The following PLD5 variants were observed in gnomAD, a reference collection of about 807,000 sequenced individuals.
PLD5 encodes the protein phospholipase D family member 5.
Under a neutral mutation model 61.1 loss-of-function variants are expected in PLD5, and 36 were observed. The observed-to-expected ratio is 0.59, with a 90% CI of 0.45 to 0.78. The LOEUF (loss-of-function observed/expected upper bound fraction) is 0.78, where lower values mean the gene tolerates loss of function less well. Ranked by LOEUF, PLD5 falls within the 30% of genes least tolerant of loss-of-function variation. The probability of loss-of-function intolerance (pLI) is 0.00; values close to 1 mark genes in which losing one functional copy is unlikely to be tolerated. For synonymous variants in PLD5, 243 were observed against 242.8 expected (o/e 1.00, Z -0.01); for missense variants, 515 against 644.4 (o/e 0.80, Z 2.17).
chr1:242,116,442 G>A (rs909876801), intron 6 of PLD5, among the ~76,000 whole-genome samples: 6 of 152,174 alleles, frequency 3.9e-5, no homozygotes, highest in Non-Finnish European at 8.8e-5. Flanking sequence ...AGACTCAGGG[G>A]GTACAGGTGC....
intron 4 of PLD5, among the ~76,000 whole-genome samples, chr1:242,260,363 A>C (rs1192415221): frequency 6.8e-6 from 1 of 148,144 alleles, no homozygotes; most frequent in African/African-American, 2.5e-5. Flanking sequence ...AAAAAAAAAG[A>C]ATTGTCACGA....
rs56654625 is a variant in PLD5 at position 242,157,734 on chromosome 1, T to C, written c.736-33069A>G. On this transcript the variant is annotated intron_variant, in intron 5 of 9. Coordinates refer to ENST00000536534, the MANE Select transcript of PLD5 (RefSeq NM_001372062.1). ...TTCGTCTCTAAAGGCCACCTGCCAG[T>C]TGGAGCTCTCCTGGATGAGGTGTCT... Among the ~76,000 whole-genome samples the C allele has an allele frequency of 9.1e-3, 1,386 of 152,246 alleles. 22 individuals are homozygous for C. Among genetic ancestry groups the C allele is most frequent in the African/African-American group, 0.031 (1,298 of 41,538 alleles).
At position 242,335,084 on chromosome 1, in the gene PLD5, C is replaced by T. The variant is rs573294524; in HGVS notation, c.326+13022G>A. On this transcript the variant is annotated intron_variant, in intron 2 of 9. Coordinates refer to ENST00000536534, the MANE Select transcript of PLD5 (RefSeq NM_001372062.1). ...TATTTTATTTCTGTGAGACCCCATCCACATGCATATGAAATAAACCTTTTT... is the reference window on the plus strand; with the variant it reads ...TATTTTATTTCTGTGAGACCCCATCTACATGCATATGAAATAAACCTTTTT... Among the ~76,000 whole-genome samples, 248 of 152,020 alleles carry T rather than the reference C, an allele frequency of 1.6e-3. 2 individuals are homozygous for T. Among genetic ancestry groups the T allele is most frequent in the African/African-American group, 5.7e-3 (235 of 41,486 alleles).
intron 5 of PLD5, among the ~76,000 whole-genome samples, chr1:242,180,152 G>A (rs1219122895): frequency 6.6e-6 from 1 of 152,104 alleles, no homozygotes; most frequent in Non-Finnish European, 1.5e-5. Context: ...CTGTGTCACC[G>A]ACCAGATGTA....
At chr1:242,440,920 T>A (rs1666244915) in intron 1 of PLD5, among the ~76,000 whole-genome samples, 1 of 152,162 alleles carries the variant, frequency 6.6e-6, no homozygotes, top group East Asian at 1.9e-4. Flanking sequence ...GAGAACTGGA[T>A]TGGGTGATTG....
chr1:242,188,711 G>C (rs144882681), intron 5 of PLD5: 130 of 152,288 alleles, frequency 8.5e-4, no homozygotes, highest in Middle Eastern at 3.4e-3. Context: ...TTCTAGTAGG[G>C]GAGTGCAGCT....
chr1:242,114,079 GATTT>G lies in PLD5; in HGVS notation c.934-57_934-54del. 2.5e-6 allele frequency: 4 copies of G among 1,582,334 alleles called. No homozygotes were observed. The South Asian group carries it at 3.5e-5, about 14-fold the overall frequency. Reference sequence around the variant, plus strand: ...AGCGTACTAATTTTTGGCAGCTGGGGATTTATTTATTTCCTTTGTTTCCACGGAC... The same window carrying G: ...AGCGTACTAATTTTTGGCAGCTGGGGATTTATTTCCTTTGTTTCCACGGAC... On this transcript the variant is annotated intron_variant, in intron 6 of 9. Coordinates refer to ENST00000536534, the MANE Select transcript of PLD5 (RefSeq NM_001372062.1).
chr1:242,320,509 A>G (rs10926683), intron 2 of PLD5, among the ~76,000 whole-genome samples: 1 of 152,158 alleles, frequency 6.6e-6, no homozygotes, highest in Non-Finnish European at 1.5e-5. Context: ...AGAGCAAGCA[A>G]CTGAGAAGGC....
Position 242,393,251 on chromosome 1 carries a change from T to C in PLD5, c.190-45009A>G, listed in dbSNP as rs193012894. Among the ~76,000 whole-genome samples the C allele has an allele frequency of 6.9e-3, 450 of 65,268 alleles. 114 individuals carry two copies. The highest frequency in any genetic ancestry group is 0.026 in the Middle Eastern group (3 of 116). 42.8% of individuals were successfully genotyped at this position (65,268 alleles called of 152,430 possible). On this transcript the variant is annotated intron_variant, in intron 1 of 9. Transcript: ENST00000536534. ...GTATATATATGTGTATATATATGAG[T>C]ATATATATGTGTATATATATGAGTA...
rs1477295424 is a variant in PLD5, at chr1:242,515,197, T to TAC, written c.189+8890_189+8891insGT. ...CATGCTTCAGCTTTGCCTTTGTGTG[T>TAC]GCGTGTGTGTGTGTGTGTGTGTGAG... On this transcript the variant is annotated intron_variant, in intron 1 of 9. Coordinates refer to ENST00000536534, the MANE Select transcript of PLD5 (RefSeq NM_001372062.1). Among the ~76,000 whole-genome samples, 22 of 147,950 alleles carry TAC rather than the reference T, an allele frequency of 1.5e-4. 1 individual carries two copies. In the East Asian group the frequency reaches 5.1e-3, roughly 34 times the overall value.
intron 2 of PLD5, among the ~76,000 whole-genome samples, chr1:242,314,558 A>T (rs1267696590): frequency 1.3e-5 from 2 of 152,162 alleles, no homozygotes; most frequent in African/African-American, 4.8e-5. Context: ...TTGTGCCTCT[A>T]TGTGTTTCCA....
At chr1:242,406,241 G>T (rs1320875148) in intron 1 of PLD5, among the ~76,000 whole-genome samples, 1 of 152,136 alleles carries the variant, frequency 6.6e-6, no homozygotes, top group Non-Finnish European at 1.5e-5. Flanking sequence ...TCTACCCAGG[G>T]TTTGTCACAG....
chr1:242,220,078 G>C lies in PLD5; in HGVS notation c.645C>G (p.Asn215Lys). Residue 215 changes from asparagine (N) to lysine (K), a missense_variant, in exon 5 of 10, where the codon AAC (asparagine) becomes AAG (lysine). This residue lies in a region of PLD5 where 450 missense variants were observed against 598.1 expected (regional missense o/e 0.75). Transcript: ENST00000536534. ...EVTYMNMTAYNKGRLQSSFWI... is the reference protein window; with the variant it reads ...EVTYMNMTAYKKGRLQSSFWI... ...AGAAGGAGGACTGCAGCCGGCCCTTGTTGTAAGCGGTCATGTTCATGTACG... is the reference window on the plus strand; with the variant it reads ...AGAAGGAGGACTGCAGCCGGCCCTTCTTGTAAGCGGTCATGTTCATGTACG... 6.2e-7 allele frequency: 1 copy of C among 1,614,172 alleles called. No homozygotes were observed. Among genetic ancestry groups the C allele is most frequent in the Admixed American group, 1.7e-5 (1 of 60,028 alleles).
At chr1:242,095,682 T>C (rs1209034094) in intron 9 of PLD5, among the ~76,000 whole-genome samples, 1 of 152,196 alleles carries the variant, frequency 6.6e-6, no homozygotes, top group Non-Finnish European at 1.5e-5. Flanking sequence ...CACTGCTGAA[T>C]TGACACACAA....
Position 242,245,046 on chromosome 1 carries a change from C to T in PLD5, c.607+20291G>A, listed in dbSNP as rs79575478. Among the ~76,000 whole-genome samples, 414 of 152,174 alleles carry T rather than the reference C, an allele frequency of 2.7e-3. 1 individual carries two copies. Among genetic ancestry groups the T allele is most frequent in the African/African-American group, 9.3e-3 (386 of 41,436 alleles). On this transcript the variant is annotated intron_variant, in intron 4 of 9. Transcript: ENST00000536534. ...GTAAGTTTTGTCAATACTGATTATG[C>T]TGGGAGCCTCAGGCATGTGCCAAGT...
intron 3 of PLD5, among the ~76,000 whole-genome samples, chr1:242,270,020 A>T (rs1673963340): frequency 6.6e-6 from 1 of 152,020 alleles, no homozygotes; most frequent in African/African-American, 2.4e-5. Flanking sequence ...GGGAGACAGG[A>T]TGAAATGCCC....
At chr1:242,511,165 A>C (rs1461195070) in intron 1 of PLD5, among the ~76,000 whole-genome samples, 1 of 152,228 alleles carries the variant, frequency 6.6e-6, no homozygotes, top group African/African-American at 2.4e-5. Context: ...TGACCAAAGC[A>C]GGAACAACTT....
intron 5 of PLD5, among the ~76,000 whole-genome samples, chr1:242,212,389 C>T (rs1669884258): frequency 6.6e-6 from 1 of 152,168 alleles, no homozygotes; most frequent in South Asian, 2.1e-4. Flanking sequence ...TACGAAAAAA[C>T]ATTAAAGACC....
chr1:242,296,737 T>C (rs1024783237), intron 2 of PLD5, among the ~76,000 whole-genome samples: 1 of 152,160 alleles, frequency 6.6e-6, no homozygotes, highest in Non-Finnish European at 1.5e-5. Flanking sequence ...GATGGGGTCT[T>C]GCTATGTTGT....
Sources: gnomAD v4.1 joint callset for allele counts (sites outside exome capture counted in the v4.1 genomes callset) on GRCh38, gnomAD v4.1.1 for gene constraint, gnomAD v4.1.1 regional missense constraint, MANE v1.5 for transcripts, NCBI Gene and HGNC (gene_info 2026-07-23, HGNC 2026-07-21) for gene names.